CNGA1: variants seen among roughly 807,000 people sequenced by gnomAD.
CNGA1 encodes cyclic nucleotide-gated channel alpha-1.
In CNGA1, 53 loss-of-function variants were observed where a neutral mutation model predicts 69.7. The observed-to-expected ratio is 0.76, with a 90% CI of 0.61 to 0.96. CNGA1 has a LOEUF of 0.96. Among genes scored for constraint, CNGA1 ranks in the 40% least tolerant of loss-of-function variants. The pLI is 0.00. For synonymous variants in CNGA1, 249 were observed against 283.5 expected (o/e 0.88, Z 1.22); for missense variants, 739 against 811.2 (o/e 0.91, Z 1.08).
intron 3 of CNGA1, among the ~76,000 whole-genome samples, chr4:47,975,439 A>T (rs914020239): frequency 2.0e-5 from 3 of 152,222 alleles, no homozygotes; most frequent in African/African-American, 7.2e-5. Flanking sequence ...AAAATGTTAA[A>T]GTAGTATCTA....
At chr4:48,007,084 TAA>T (rs1397003934) in intron 2 of CNGA1, among the ~76,000 whole-genome samples, 1 of 152,144 alleles carries the variant, frequency 6.6e-6, no homozygotes, top group African/African-American at 2.4e-5. Context: ...CTTAATTCTT[TAA>T]GAGAGGACAC....
chr4:47,959,199 G>T (rs1029486422), intron 3 of CNGA1: 2 of 152,036 alleles, frequency 1.3e-5, no homozygotes, highest in Admixed American at 6.5e-5. Flanking sequence ...CAACAGCCTC[G>T]CAAAAACTAT....
At chr4:48,012,558 CTTTTTTTTTTTTTTTTTTTTTT>C (rs528643370) in intron 1 of CNGA1, among the ~76,000 whole-genome samples, 1 of 64,954 alleles carries the variant, frequency 1.5e-5, no homozygotes, top group Non-Finnish European at 2.7e-5. Context: ...ACCACACCAT[CTTTTTTTTTTTTTTTTTTTTTT>C]TTTTTTTTTT....
intron 1 of CNGA1, among the ~76,000 whole-genome samples, chr4:48,016,281 C>G (rs1715372921): frequency 1.3e-5 from 2 of 152,180 alleles, no homozygotes; most frequent in Non-Finnish European, 2.9e-5. Flanking sequence ...AGGGCAAAGT[C>G]TGCTCAGCAG....
chr4:47,999,095 T>A (rs969319469), intron 2 of CNGA1, among the ~76,000 whole-genome samples: 13 of 152,274 alleles, frequency 8.5e-5, no homozygotes, highest in South Asian at 2.1e-4. Context: ...AAAAGGTGAA[T>A]ATAGTATAAG....
At chr4:47,974,846 GC>G (rs939658921) in intron 3 of CNGA1, among the ~76,000 whole-genome samples, 1 of 152,022 alleles carries the variant, frequency 6.6e-6, no homozygotes, top group Admixed American at 6.6e-5. Context: ...TTAGTTTCTA[GC>G]CCTAGCTCTT....
Position 47,958,703 on chromosome 4 carries a change from G to A in CNGA1, c.-14-6000C>T, listed in dbSNP as rs752835160. Reference sequence around the variant, plus strand: ...CCTTTTTATTCCCATAGTTCTGTGCGTCTACCTCTCTACACACTGGCTACT... The same window carrying A: ...CCTTTTTATTCCCATAGTTCTGTGCATCTACCTCTCTACACACTGGCTACT... On this transcript the variant is annotated intron_variant, in intron 3 of 10. Transcript: ENST00000514170. Among the ~76,000 whole-genome samples the A allele has an allele frequency of 2.4e-4, 36 of 151,808 alleles. 1 individual carries two copies. Among genetic ancestry groups the A allele is most frequent in the South Asian group, 1.9e-3 (9 of 4,804 alleles).
Position 47,957,528 on chromosome 4 carries a change from G to A in CNGA1, c.-14-4825C>T, listed in dbSNP as rs559587901. ...CCAGCTACTTGGCAGGCTGAGGCAG[G>A]TGGATCACTTGAGCTTTGGAGGTTG... On this transcript the variant is annotated intron_variant, in intron 3 of 10. Transcript: ENST00000514170. Among the ~76,000 whole-genome samples, 29 of 152,272 alleles carry A rather than the reference G, an allele frequency of 1.9e-4. 1 individual carries two copies. The South Asian group carries it at 6.0e-3, about 32-fold the overall frequency.
At chr4:47,972,168 G>T (rs368105576) in intron 3 of CNGA1, among the ~76,000 whole-genome samples, 1 of 152,018 alleles carries the variant, frequency 6.6e-6, no homozygotes, top group African/African-American at 2.4e-5. Context: ...AATTATCTAT[G>T]CTAATATACA....
At chr4:47,980,058 G>A (rs73244459) in intron 3 of CNGA1, among the ~76,000 whole-genome samples, 15,892 of 152,136 alleles carry the variant, frequency 0.1, 1,317 homozygotes, top group East Asian at 0.32. Context: ...AAAAGAGGGC[G>A]TATTCTCTAG....
At chr4:47,982,751 T>C (rs931413305) in intron 2 of CNGA1, among the ~76,000 whole-genome samples, 8 of 152,200 alleles carry the variant, frequency 5.3e-5, no homozygotes, top group African/African-American at 1.9e-4. Flanking sequence ...CATAATTCAT[T>C]GATTCATTTT....
intron 3 of CNGA1, among the ~76,000 whole-genome samples, chr4:47,962,113 A>C (rs1740473415): frequency 6.6e-6 from 1 of 152,168 alleles, no homozygotes; most frequent in Non-Finnish European, 1.5e-5. Flanking sequence ...TGGGAGGCCA[A>C]GGCGGGTGGA....
intron 2 of CNGA1, among the ~76,000 whole-genome samples, chr4:48,009,237 T>C (rs768859940): frequency 6.6e-6 from 1 of 151,972 alleles, no homozygotes; most frequent in South Asian, 2.1e-4. Flanking sequence ...GAGGCCTAGG[T>C]GGGTGGATCA....
At chr4:48,010,518 G>T (rs966716733) in intron 2 of CNGA1, among the ~76,000 whole-genome samples, 4 of 152,148 alleles carry the variant, frequency 2.6e-5, no homozygotes, top group Non-Finnish European at 5.9e-5. Context: ...CCAAGATGGT[G>T]GTGGGTCGCT....
At chr4:47,978,433 C>G (rs1741529429) in intron 3 of CNGA1, among the ~76,000 whole-genome samples, 1 of 152,000 alleles carries the variant, frequency 6.6e-6, no homozygotes, top group South Asian at 2.1e-4. Flanking sequence ...TAAATGTACT[C>G]TATGTATTTA....
Position 47,949,819 on chromosome 4 carries a change from G to T in CNGA1, c.287+14C>A, listed in dbSNP as rs777903781. 2.4e-5 allele frequency: 38 copies of T among 1,611,102 alleles called. No individual in the cohort carries two copies. The East Asian group carries it at 8.3e-4, about 35-fold the overall frequency. On this transcript the variant is annotated intron_variant, in intron 6 of 10. Transcript: ENST00000514170. Reference sequence around the variant, plus strand: ...AAAACCAAAACTTTGGTTTTCTATTGTAAATATACTTACTGGTCCTTATTG... The same window carrying T: ...AAAACCAAAACTTTGGTTTTCTATTTTAAATATACTTACTGGTCCTTATTG...
At chr4:47,962,566 C>T (rs1262445225) in intron 3 of CNGA1, among the ~76,000 whole-genome samples, 1 of 151,890 alleles carries the variant, frequency 6.6e-6, no homozygotes, top group Non-Finnish European at 1.5e-5. Flanking sequence ...AGTATTTCCT[C>T]AGGTTCTTAC....
rs1738719865 is a variant in CNGA1 at position 47,937,271 on chromosome 4, G to T, written c.1211C>A (p.Ala404Glu). Residue 404 changes from alanine (A) to glutamate (E), a missense_variant, in exon 11 of 11, where the codon GCA (alanine) becomes GAA (glutamate). Coordinates refer to ENST00000514170, the MANE Select transcript of CNGA1 (RefSeq NM_001379270.1). The part of the protein sequence containing the change: ...SMISNMNAAR[A>E]EFQARIDAIK... ...AGCATCAATTCTTGCTTGAAATTCT[G>T]CTCTGGCTGCATTCATGTTGGAAAT... 10 of 1,613,892 alleles carry T rather than the reference G, an allele frequency of 6.2e-6. No homozygotes were observed. Among genetic ancestry groups the T allele is most frequent in the Non-Finnish European group, 8.5e-6 (10 of 1,180,028 alleles).
chr4:47,974,447 G>T (rs539096300), intron 3 of CNGA1, among the ~76,000 whole-genome samples: 1 of 151,854 alleles, frequency 6.6e-6, no homozygotes, highest in Admixed American at 6.6e-5. Context: ...TATTGGGCAG[G>T]GTGCATGTTG....
Sources: gnomAD v4.1 joint callset for allele counts (sites outside exome capture counted in the v4.1 genomes callset) on GRCh38, gnomAD v4.1.1 for gene constraint, MANE v1.5 for transcripts, NCBI Gene and HGNC (gene_info 2026-07-23, HGNC 2026-07-21) for gene names.